The following GALK2 variants were observed in gnomAD, a reference collection of about 807,000 sequenced individuals.
The protein encoded by GALK2 is galactokinase 2.
GALK2 carries 36 observed loss-of-function variants against 52.4 expected under a neutral mutation model. The ratio of observed to expected loss-of-function variants is 0.69; its 90% confidence interval spans 0.53 to 0.91. GALK2 has a LOEUF of 0.91. GALK2 is among the 40% of genes least tolerant of loss of function. The probability of loss-of-function intolerance (pLI) is 0.00; values close to 1 mark genes in which losing one functional copy is unlikely to be tolerated. For synonymous variants in GALK2, 176 were observed against 199.1 expected (o/e 0.88, Z 0.98); for missense variants, 579 against 559.1 (o/e 1.04, Z -0.36).
chr15:49,294,666 C>T (rs2034291957), intron 8 of GALK2, among the ~76,000 whole-genome samples: 1 of 152,172 alleles, frequency 6.6e-6, no homozygotes, highest in Non-Finnish European at 1.5e-5. Context: ...AATCAGGACA[C>T]AGTCTCTACT....
intron 2 of GALK2, among the ~76,000 whole-genome samples, chr15:49,205,790 T>G (rs2088228786): frequency 6.6e-6 from 1 of 152,170 alleles, no homozygotes; most frequent in African/African-American, 2.4e-5. Flanking sequence ...GGGTTCTTGG[T>G]CATGAAATCC....
At chr15:49,306,984 G>A (rs1249236144) in intron 8 of GALK2, among the ~76,000 whole-genome samples, 1 of 152,184 alleles carries the variant, frequency 6.6e-6, no homozygotes, top group Non-Finnish European at 1.5e-5. Context: ...AGAGGGCACA[G>A]TCCCTGCCCT....
Position 49,170,249 on chromosome 15 carries a change from A to G in GALK2, c.-74A>G, listed in dbSNP as rs1399492091. 4 of 1,544,402 alleles carry G rather than the reference A, an allele frequency of 2.6e-6. No individual in the cohort carries two copies. The highest frequency in any genetic ancestry group is 3.5e-6 in the Non-Finnish European group (4 of 1,142,254). ...CCCGGAAGAAAACGGCTCCTGTCAC[A>G]GAAGTCTCGTGATTGCTCTGGGAGC... On this transcript the variant is annotated 5_prime_UTR_variant, in exon 1 of 10. Transcript: ENST00000560031.
At chr15:49,179,824 G>T (rs186174054) in intron 1 of GALK2, among the ~76,000 whole-genome samples, 6 of 152,050 alleles carry the variant, frequency 3.9e-5, no homozygotes, top group Admixed American at 3.9e-4. Flanking sequence ...CATACTTTCA[G>T]TGACTGCATT....
At chr15:49,363,826 G>C (rs7176321) in intron 3 of GALK2, among the ~76,000 whole-genome samples, 6,005 of 152,144 alleles carry the variant, frequency 0.039, 329 homozygotes, top group African/African-American at 0.11. Flanking sequence ...TATCATGAAG[G>C]GATGTTGAAT....
intron 1 of GALK2, among the ~76,000 whole-genome samples, chr15:49,179,650 T>C (rs1292919190): frequency 8.3e-6 from 1 of 120,736 alleles, no homozygotes; most frequent in East Asian, 2.5e-4. Context: ...CTTTGTTTCT[T>C]TCTTTTTTTT....
At chr15:49,343,726 G>C (rs2041079692) in intron 3 of GALK2, 1 of 152,108 alleles carries the variant, frequency 6.6e-6, no homozygotes. Context: ...TTATCCACTG[G>C]AATTTCCTGC....
At chr15:49,227,870 G>A (rs2090224086) in intron 3 of GALK2, among the ~76,000 whole-genome samples, 1 of 151,894 alleles carries the variant, frequency 6.6e-6, no homozygotes, top group Non-Finnish European at 1.5e-5. Context: ...TTGCTTCCAG[G>A]TATAGTACTC....
chr15:49,231,390 A>C (rs2090495355), intron 3 of GALK2, among the ~76,000 whole-genome samples: 1 of 152,200 alleles, frequency 6.6e-6, no homozygotes, highest in African/African-American at 2.4e-5. Context: ...CCCCACTTCC[A>C]AAACTGGGGA....
intron 5 of GALK2, among the ~76,000 whole-genome samples, chr15:49,269,856 C>T (rs2030138020): frequency 6.6e-6 from 1 of 152,228 alleles, no homozygotes. Flanking sequence ...CAAACTCTAT[C>T]CTTTCTATCT....
At chr15:49,227,530 A>G (rs1300242711) in intron 3 of GALK2, among the ~76,000 whole-genome samples, 2 of 151,888 alleles carry the variant, frequency 1.3e-5, no homozygotes, top group East Asian at 3.9e-4. Flanking sequence ...TTTTCAGATG[A>G]AAAGAGGTTT....
intron 3 of GALK2, 47 bp downstream of exon 3, chr15:49,217,360 G>T: frequency 6.3e-7 from 1 of 1,585,380 alleles, no homozygotes; most frequent in Non-Finnish European, 8.6e-7. Flanking sequence ...GGTTCTGTTT[G>T]TACCCAAATG....
intron 5 of GALK2, among the ~76,000 whole-genome samples, chr15:49,267,623 A>G (rs2092403639): frequency 6.6e-6 from 1 of 152,102 alleles, no homozygotes; most frequent in Non-Finnish European, 1.5e-5. Flanking sequence ...TTCTACACAT[A>G]ATGCCATTTC....
intron 1 of GALK2, among the ~76,000 whole-genome samples, chr15:49,160,782 C>A (rs1490991850): frequency 6.6e-6 from 1 of 151,882 alleles, no homozygotes; most frequent in South Asian, 2.1e-4. Context: ...GCAGGAGAAT[C>A]GCTTGAACCG....
At chr15:49,314,519 CTGTT>C (rs2036247769) in intron 8 of GALK2, among the ~76,000 whole-genome samples, 1 of 152,260 alleles carries the variant, frequency 6.6e-6, no homozygotes, top group South Asian at 2.1e-4. Context: ...TGTCTCACTA[CTGTT>C]TATTTAGCCT....
intron 2 of GALK2, among the ~76,000 whole-genome samples, chr15:49,203,661 C>T (rs1046044748): frequency 2.6e-5 from 4 of 152,076 alleles, no homozygotes; most frequent in African/African-American, 7.2e-5. Context: ...AGTTTCAGTT[C>T]TGATGTTTAA....
At chr15:49,173,192 G>A (rs2141181797) in intron 1 of GALK2, among the ~76,000 whole-genome samples, 1 of 152,242 alleles carries the variant, frequency 6.6e-6, no homozygotes, top group South Asian at 2.1e-4. Context: ...CTTCTTCCAT[G>A]TGGCATAATG....
In GALK2 at chr15:49,258,827, TGTGAGAGAGA is replaced by T. The variant is rs1317444465; in HGVS notation, c.504+19462_504+19471del. Among the ~76,000 whole-genome samples, 133 of 123,712 alleles carry T rather than the reference TGTGAGAGAGA, an allele frequency of 1.1e-3. 1 individual carries two copies. Among genetic ancestry groups the T allele is most frequent in the African/African-American group, 3.9e-3 (130 of 33,464 alleles). 81.2% of individuals were successfully genotyped at this position (123,712 alleles called of 152,430 possible). ...GTGTGTGTGTGTGTGTGTGTGTGTG[TGTGAGAGAGA>T]GAGAGAGAGAGAGAGAGATGGTATC... On this transcript the variant is annotated intron_variant, in intron 5 of 9. Transcript: ENST00000560031.
chr15:49,193,569 A>T (rs903251126), intron 1 of GALK2, among the ~76,000 whole-genome samples: 1 of 151,672 alleles, frequency 6.6e-6, no homozygotes. Flanking sequence ...ATTGAAATTC[A>T]CTTGTGTTTT....
Sources: allele counts gnomAD v4.1 joint callset (sites outside exome capture counted in the v4.1 genomes callset), GRCh38; gene constraint gnomAD v4.1.1; transcripts MANE v1.5; gene names NCBI Gene and HGNC (gene_info 2026-07-23, HGNC 2026-07-21).